COP1: variants seen among roughly 807,000 people sequenced by gnomAD.
COP1 encodes COP1 E3 ubiquitin ligase.
Under a neutral mutation model 101.3 loss-of-function variants are expected in COP1, and 24 were observed. That is an observed-to-expected ratio of 0.24 (90% CI 0.17 to 0.33). The LOEUF (loss-of-function observed/expected upper bound fraction) is 0.33, where lower values mean the gene tolerates loss of function less well. Among genes scored for constraint, COP1 ranks in the 10% least tolerant of loss-of-function variants. The pLI is 1.00. For synonymous variants in COP1, 347 were observed against 341.9 expected (o/e 1.01, Z -0.17); for missense variants, 663 against 906.2 (o/e 0.73, Z 3.45).
chr1:175,956,746 CATT>C (rs1289736205), intron 18 of COP1, among the ~76,000 whole-genome samples: 1 of 152,080 alleles, frequency 6.6e-6, no homozygotes, highest in African/African-American at 2.4e-5. Context: ...ACTTCTTAAT[CATT>C]AATTTAGATT....
intron 6 of COP1, among the ~76,000 whole-genome samples, chr1:176,142,001 A>G (rs903513613): frequency 1.3e-5 from 2 of 152,058 alleles, no homozygotes; most frequent in African/African-American, 4.8e-5. Flanking sequence ...AACGTGTTAG[A>G]ATTACAGGCA....
chr1:175,947,309 C>A, intron 18 of COP1, 70 bp from the exon 19 acceptor site: 2 of 968,960 alleles, frequency 2.1e-6, no homozygotes, highest in Non-Finnish European at 3.3e-6. Flanking sequence ...AGATAATTTC[C>A]TCTTCATCCT....
chr1:176,161,686 AC>A (rs1040194479), intron 5 of COP1, among the ~76,000 whole-genome samples: 3 of 152,326 alleles, frequency 2.0e-5, no homozygotes, highest in Admixed American at 2.0e-4. Context: ...ACACACACAT[AC>A]AGCAGAACTC....
chr1:175,949,983 A>G (rs1490936691), intron 18 of COP1, among the ~76,000 whole-genome samples: 1 of 152,214 alleles, frequency 6.6e-6, no homozygotes, highest in Admixed American at 6.5e-5. Flanking sequence ...AATTAGCCCC[A>G]ATATAAATAA....
intron 15 of COP1, among the ~76,000 whole-genome samples, chr1:175,995,555 T>A (rs1659923726): frequency 6.6e-6 from 1 of 152,098 alleles, no homozygotes; most frequent in African/African-American, 2.4e-5. Flanking sequence ...TAAAAAATGA[T>A]AAACGGGATA....
intron 11 of COP1, among the ~76,000 whole-genome samples, chr1:176,071,503 C>A (rs1407622882): frequency 1.3e-5 from 2 of 152,126 alleles, no homozygotes; most frequent in Non-Finnish European, 2.9e-5. Flanking sequence ...AGCACTTAAA[C>A]TGTTTGACAT....
At chr1:176,164,036 T>C (rs919647228) in intron 3 of COP1, 145 bp from the exon 4 acceptor site, 1 of 513,044 alleles carries the variant, frequency 1.9e-6, no homozygotes, top group East Asian at 3.2e-5. Flanking sequence ...GTTAGCTTTT[T>C]ATTTTATTTC....
At chr1:176,168,365 T>TTA (rs1375773079) in intron 3 of COP1, among the ~76,000 whole-genome samples, 1 of 150,290 alleles carries the variant, frequency 6.7e-6, no homozygotes, top group African/African-American at 2.5e-5. Flanking sequence ...CCTACAAATT[T>TTA]TATATATAGA....
rs148633668 is a variant in COP1 at position 176,034,256 on chromosome 1, T to C, written c.1613-6568A>G. Among the ~76,000 whole-genome samples, 18 of 152,148 alleles carry C rather than the reference T, an allele frequency of 1.2e-4. No individual in the cohort carries two copies. In the East Asian group the frequency reaches 1.5e-3, roughly 13 times the overall value. On this transcript the variant is annotated intron_variant, in intron 14 of 19. Transcript: ENST00000367669. The stretch of plus-strand genomic sequence containing the variant: ...CTCAAGCAACAAACACTAAGTAAAA[T>C]TGTTGTGTTTATTAATGACTTCAGC...
intron 11 of COP1, among the ~76,000 whole-genome samples, chr1:176,069,839 C>T (rs1205718646): frequency 6.6e-6 from 1 of 152,186 alleles, no homozygotes; most frequent in East Asian, 1.9e-4. Flanking sequence ...ATGATCTAAT[C>T]CAACAGATTA....
chr1:176,071,000 T>C (rs1326287817), intron 11 of COP1, among the ~76,000 whole-genome samples: 1 of 152,176 alleles, frequency 6.6e-6, no homozygotes. Context: ...CTGTAAATAC[T>C]TTCAAAGCAC....
chr1:176,181,879 G>A (rs958157352), intron 2 of COP1, among the ~76,000 whole-genome samples: 12 of 151,422 alleles, frequency 7.9e-5, no homozygotes, highest in African/African-American at 1.9e-4. Flanking sequence ...AAAAACACAC[G>A]TTCTCATCAG....
intron 18 of COP1, among the ~76,000 whole-genome samples, chr1:175,972,196 G>A (rs943938599): frequency 6.6e-6 from 1 of 152,112 alleles, no homozygotes; most frequent in Non-Finnish European, 1.5e-5. Context: ...AACAAGTATA[G>A]GGTTTAGATA....
chr1:176,182,985 A>G (rs901195000), intron 2 of COP1, among the ~76,000 whole-genome samples: 3 of 152,240 alleles, frequency 2.0e-5, no homozygotes, highest in Non-Finnish European at 4.4e-5. Flanking sequence ...AAAGGTGGAC[A>G]TTTGTATTTT....
intron 15 of COP1, among the ~76,000 whole-genome samples, chr1:175,995,489 T>C (rs1194710645): frequency 6.6e-6 from 1 of 152,094 alleles, no homozygotes; most frequent in East Asian, 1.9e-4. Flanking sequence ...ACAAAATTGA[T>C]AGACCACTAG....
intron 11 of COP1, among the ~76,000 whole-genome samples, chr1:176,058,069 G>A (rs1388292970): frequency 2.8e-4 from 41 of 147,946 alleles, no homozygotes; most frequent in African/African-American, 8.1e-4. Context: ...CAGCCGCCCC[G>A]GCCGGGAGGG....
chr1:176,063,683 T>C (rs1338473238), intron 11 of COP1, among the ~76,000 whole-genome samples: 1 of 152,222 alleles, frequency 6.6e-6, no homozygotes, highest in Non-Finnish European at 1.5e-5. Context: ...GTTAGTATGA[T>C]ATAGCTAAGT....
At chr1:176,205,665 A>G (rs776939795) in intron 1 of COP1, among the ~76,000 whole-genome samples, 7 of 152,214 alleles carry the variant, frequency 4.6e-5, no homozygotes, top group Non-Finnish European at 7.3e-5. Flanking sequence ...TCCAATAAAA[A>G]TTCCAAAACA....
intron 9 of COP1, among the ~76,000 whole-genome samples, chr1:176,101,580 A>C (rs1203482099): frequency 6.6e-6 from 1 of 152,190 alleles, no homozygotes; most frequent in Non-Finnish European, 1.5e-5. Flanking sequence ...AAGGGAACCC[A>C]GAAGCCCAAC....
Sources: allele counts gnomAD v4.1 joint callset (sites outside exome capture counted in the v4.1 genomes callset), GRCh38; gene constraint gnomAD v4.1.1; transcripts MANE v1.5; gene names NCBI Gene and HGNC (gene_info 2026-07-23, HGNC 2026-07-21).